Variants in NELL1 observed in about 807,000 individuals in gnomAD.
NELL1 encodes neural EGFL like 1, also known as protein kinase C-binding protein NELL1.
In NELL1, 76 loss-of-function variants were observed where a neutral mutation model predicts 107.4. The observed-to-expected ratio is 0.71, with a 90% CI of 0.59 to 0.86. The LOEUF is 0.86. NELL1 is among the 40% of genes least tolerant of loss of function. The pLI is 0.00. For synonymous variants in NELL1, 353 were observed against 341.2 expected (o/e 1.03, Z -0.38); for missense variants, 1,024 against 1,005.5 (o/e 1.02, Z -0.25).
At chr11:21,307,141 G>A (rs1348398318) in intron 14 of NELL1, among the ~76,000 whole-genome samples, 1 of 151,928 alleles carries the variant, frequency 6.6e-6, no homozygotes, top group Non-Finnish European at 1.5e-5. Flanking sequence ...GAGCCTTGGT[G>A]ACCCTGCATC....
chr11:21,065,124 G>C (rs1025462811), intron 12 of NELL1, among the ~76,000 whole-genome samples: 1 of 151,478 alleles, frequency 6.6e-6, no homozygotes, highest in African/African-American at 2.4e-5. Flanking sequence ...AAGTCTCTAA[G>C]GTTTTTATAG....
rs189482001 is a variant in NELL1 at position 21,445,200 on chromosome 11, G to T, written c.1645+74252G>T. 8.3e-4 allele frequency among the ~76,000 whole-genome samples: 127 copies of T among 152,164 alleles called. 1 individual carries two copies. Among genetic ancestry groups the T allele is most frequent in the Middle Eastern group, 6.8e-3 (2 of 294 alleles). On this transcript the variant is annotated intron_variant, in intron 15 of 19. Coordinates refer to ENST00000357134, the MANE Select transcript of NELL1 (RefSeq NM_006157.5). ...TATCTTTTAACTTAAAATATTAGTAGTTTACACACCACAATAGCAGTGTTA... is the reference window on the plus strand; with the variant it reads ...TATCTTTTAACTTAAAATATTAGTATTTTACACACCACAATAGCAGTGTTA...
chr11:21,014,785 A>G (rs1852527558), intron 12 of NELL1, among the ~76,000 whole-genome samples: 1 of 152,154 alleles, frequency 6.6e-6, no homozygotes, highest in Admixed American at 6.6e-5. Flanking sequence ...ATCCAATTTA[A>G]TTAACTTGAA....
chr11:21,213,611 T>G (rs1303679696), intron 13 of NELL1, among the ~76,000 whole-genome samples: 4 of 152,142 alleles, frequency 2.6e-5, no homozygotes, highest in Non-Finnish European at 4.4e-5. Context: ...GATACTATAT[T>G]CAAGACAGCG....
At chr11:21,164,782 A>G (rs1856445736) in intron 13 of NELL1, among the ~76,000 whole-genome samples, 2 of 152,196 alleles carry the variant, frequency 1.3e-5, no homozygotes, top group Non-Finnish European at 2.9e-5. Context: ...GCCTCATTTT[A>G]AAGACTTTGA....
intron 12 of NELL1, among the ~76,000 whole-genome samples, chr11:21,003,813 T>A (rs1852274889): frequency 1.3e-5 from 2 of 152,044 alleles, no homozygotes; most frequent in South Asian, 2.1e-4. Flanking sequence ...ATACTTTAAG[T>A]TTAGATTACC....
Position 21,476,099 on chromosome 11 carries a change from A to C in NELL1, c.1646-58275A>C, listed in dbSNP as rs190110906. On this transcript the variant is annotated intron_variant, in intron 15 of 19. Coordinates refer to ENST00000357134, the MANE Select transcript of NELL1 (RefSeq NM_006157.5). ...CCTTTGTACTTAAATTAACTTACTT[A>C]ACCAGGATACTTGTTATCATTACCA... 1.6e-3 allele frequency among the ~76,000 whole-genome samples: 245 copies of C among 152,292 alleles called. 1 individual carries two copies. Among genetic ancestry groups the C allele is most frequent in the Non-Finnish European group, 2.9e-3 (197 of 68,024 alleles).
At chr11:21,566,844 C>G (rs1856984671) in intron 17 of NELL1, among the ~76,000 whole-genome samples, 1 of 151,834 alleles carries the variant, frequency 6.6e-6, no homozygotes, top group Non-Finnish European at 1.5e-5. Flanking sequence ...ATTTTCTTGA[C>G]AGTTACCCTG....
intron 4 of NELL1, among the ~76,000 whole-genome samples, chr11:20,872,671 G>GGTGTGTGTGT (rs61184129): frequency 0.049 from 6,684 of 137,072 alleles, 238 homozygotes; most frequent in Middle Eastern, 0.086. Context: ...CAGTGTTTGA[G>GGTGTGTGTGT]GTGTGTGTGT....
At position 21,534,433 on chromosome 11, in the gene NELL1, CT is replaced by C. The variant is rs1564946215; in HGVS notation, c.1706del (p.Leu569ArgfsTer34). ...ECHNHSRCVN[L>X]PGWYHCECRS... ...CCACAACCATTCCCGCTGCGTTAAC[CT>C]GCCAGGGTGGTACCACTGTGAGTGC... On this transcript the variant is annotated frameshift_variant, in exon 16 of 20. Coordinates refer to ENST00000357134, the MANE Select transcript of NELL1 (RefSeq NM_006157.5). LOFTEE classifies it high-confidence loss of function. 6.2e-7 allele frequency: 1 copy of C among 1,613,874 alleles called. No individual in the cohort carries two copies. Among genetic ancestry groups the C allele is most frequent in the South Asian group, 1.1e-5 (1 of 91,086 alleles).
intron 17 of NELL1, among the ~76,000 whole-genome samples, chr11:21,562,921 T>A (rs563908512): frequency 6.6e-6 from 1 of 152,140 alleles, no homozygotes; most frequent in African/African-American, 2.4e-5. Flanking sequence ...TAAAAAGGCC[T>A]TGAAACATGT....
chr11:21,001,985 AC>A (rs1240331011), intron 12 of NELL1, among the ~76,000 whole-genome samples: 1 of 152,120 alleles, frequency 6.6e-6, no homozygotes, highest in Admixed American at 6.6e-5. Context: ...CAGCCTTAGT[AC>A]CCCTGTAATA....
chr11:21,502,425 TA>T lies in NELL1; in HGVS notation c.1646-31948del, dbSNP rs374301550. Among the ~76,000 whole-genome samples, 12 of 152,332 alleles carry T rather than the reference TA, an allele frequency of 7.9e-5. No homozygotes were observed. In the East Asian group the frequency reaches 2.3e-3, roughly 29 times the overall value. On this transcript the variant is annotated intron_variant, in intron 15 of 19. Transcript: ENST00000357134. ...GTTTTACAATTTTGGTGTTTGCATT[TA>T]TTACACTCCTGATTGTTAGGAACTT...
At chr11:20,758,291 C>T (rs567340166) in intron 2 of NELL1, among the ~76,000 whole-genome samples, 2 of 152,258 alleles carry the variant, frequency 1.3e-5, no homozygotes, top group African/African-American at 2.4e-5. Flanking sequence ...TGTCCTCCCA[C>T]GAGACCCATC....
At chr11:21,488,463 C>A (rs1292130931) in intron 15 of NELL1, among the ~76,000 whole-genome samples, 7 of 152,088 alleles carry the variant, frequency 4.6e-5, no homozygotes, top group African/African-American at 7.2e-5. Context: ...CTATAAGCAG[C>A]ATTGGTGATA....
intron 2 of NELL1, among the ~76,000 whole-genome samples, chr11:20,769,038 A>T (rs1046579896): frequency 6.6e-6 from 1 of 152,108 alleles, no homozygotes; most frequent in African/African-American, 2.4e-5. Flanking sequence ...TGATTTTCTG[A>T]TTGCTACATG....
At chr11:20,938,047 T>G (rs2134185851) in intron 10 of NELL1, among the ~76,000 whole-genome samples, 188 bp downstream of exon 10, 1 of 152,274 alleles carries the variant, frequency 6.6e-6, no homozygotes, top group South Asian at 2.1e-4. Flanking sequence ...TAGCTTGTGG[T>G]CAGCTGTGGA....
chr11:21,225,635 A>T (rs985968291), intron 13 of NELL1, among the ~76,000 whole-genome samples: 1 of 152,074 alleles, frequency 6.6e-6, no homozygotes, highest in African/African-American at 2.4e-5. Context: ...AGTGCTGGAC[A>T]CCTCTATTTA....
intron 15 of NELL1, among the ~76,000 whole-genome samples, chr11:21,479,285 C>T (rs1201509845): frequency 6.6e-6 from 1 of 152,004 alleles, no homozygotes; most frequent in Non-Finnish European, 1.5e-5. Flanking sequence ...TGGAAGCAAC[C>T]TAAATGTCCA....
Sources: gnomAD v4.1 joint callset for allele counts (sites outside exome capture counted in the v4.1 genomes callset) on GRCh38, gnomAD v4.1.1 for gene constraint, MANE v1.5 for transcripts, NCBI Gene and HGNC (gene_info 2026-07-23, HGNC 2026-07-21) for gene names.